The following KIAA1217 variants were observed in gnomAD, a reference collection of about 807,000 sequenced individuals.
The protein encoded by KIAA1217 is KIAA1217, also known as sickle tail protein homolog.
Under a neutral mutation model 163.9 loss-of-function variants are expected in KIAA1217, and 88 were observed. The ratio of observed to expected loss-of-function variants is 0.54; its 90% confidence interval spans 0.45 to 0.64. The LOEUF is 0.64. KIAA1217 is among the 30% of genes least tolerant of loss of function. The pLI is 0.00. For synonymous variants in KIAA1217, 903 were observed against 923.1 expected, an observed-to-expected ratio of 0.98 and a Z score of 0.39; for missense variants, 2,372 against 2,475.0, an observed-to-expected ratio of 0.96 and a Z score of 0.88.
chr10:23,979,464 G>A (rs1469549718), intron 1 of KIAA1217, among the ~76,000 whole-genome samples: 1 of 152,124 alleles, frequency 6.6e-6, no homozygotes, highest in Non-Finnish European at 1.5e-5. Context: ...TCCTCTTCAT[G>A]TCTTTCTTAA....
At chr10:23,905,063 C>CGTTTTTTTTTTTT (rs1842099267) in intron 1 of KIAA1217, among the ~76,000 whole-genome samples, 1 of 99,942 alleles carries the variant, frequency 1.0e-5, no homozygotes, top group Non-Finnish European at 2.0e-5. Flanking sequence ...TTCTCTTTTC[C>CGTTTTTTTTTTTT]TTTTTTTTTT....
At chr10:24,395,244 T>C (rs376437926) in intron 3 of KIAA1217, among the ~76,000 whole-genome samples, 1 of 152,166 alleles carries the variant, frequency 6.6e-6, no homozygotes, top group East Asian at 1.9e-4. Context: ...GATCCCTACT[T>C]GATCTCTGAA....
At chr10:24,077,646 G>A (rs552452148) in intron 2 of KIAA1217, among the ~76,000 whole-genome samples, 6 of 152,310 alleles carry the variant, frequency 3.9e-5, no homozygotes, top group East Asian at 3.9e-4. Context: ...GAACACACCC[G>A]TGTGTGTATC....
chr10:23,879,806 T>C (rs1840870697), intron 1 of KIAA1217, among the ~76,000 whole-genome samples: 1 of 151,806 alleles, frequency 6.6e-6, no homozygotes, highest in African/African-American at 2.4e-5. Context: ...TTGGAAATGA[T>C]CCAATAATAG....
At chr10:23,934,625 A>ATATTTTTTTTTTTTTT (rs1554826424) in intron 1 of KIAA1217, among the ~76,000 whole-genome samples, 1 of 68,570 alleles carries the variant, frequency 1.5e-5, no homozygotes, top group African/African-American at 9.2e-5. Context: ...ATATATATAT[A>ATATTTTTTTTTTTTTT]TTTTTTTTTT....
chr10:24,321,400 G>T (rs549801973), intron 2 of KIAA1217, among the ~76,000 whole-genome samples: 15 of 152,086 alleles, frequency 9.9e-5, no homozygotes, highest in Admixed American at 9.8e-4. Context: ...TTAACTGGGC[G>T]TAGTGGTGCA....
chr10:24,097,165 C>T (rs1326781187), intron 2 of KIAA1217, among the ~76,000 whole-genome samples: 2 of 152,086 alleles, frequency 1.3e-5, no homozygotes, highest in East Asian at 1.9e-4. Context: ...GGAATATAGC[C>T]TGGATTAGAA....
chr10:23,838,391 A>G (rs1838596366), intron 1 of KIAA1217, among the ~76,000 whole-genome samples: 1 of 152,210 alleles, frequency 6.6e-6, no homozygotes, highest in Non-Finnish European at 1.5e-5. Context: ...TTAAATCAAC[A>G]TAAAAGATGA....
chr10:24,375,772 G>A (rs1029334343), intron 2 of KIAA1217, among the ~76,000 whole-genome samples: 4 of 152,206 alleles, frequency 2.6e-5, no homozygotes, highest in African/African-American at 9.6e-5. Context: ...CTTCATCACG[G>A]CAATGTTGAT....
chr10:24,351,007 G>C (rs2048389983), intron 2 of KIAA1217, among the ~76,000 whole-genome samples: 1 of 152,102 alleles, frequency 6.6e-6, no homozygotes, highest in Non-Finnish European at 1.5e-5. Context: ...AGTGCAAGTA[G>C]TGTGATCTCG....
Position 23,794,454 on chromosome 10 carries a change from C to T in KIAA1217, c.-321+99220C>T, listed in dbSNP as rs1252186631. On this transcript the variant is annotated intron_variant, in intron 1 of 18. Transcript: ENST00000376462. Reference sequence around the variant, plus strand: ...CTCAAGTTTTCACTAAAGAATGACACGTTTTTCCCTCAGGCTTTTGGCTTT... The same window carrying T: ...CTCAAGTTTTCACTAAAGAATGACATGTTTTTCCCTCAGGCTTTTGGCTTT... Among the ~76,000 whole-genome samples, 4 of 152,164 alleles carry T rather than the reference C, an allele frequency of 2.6e-5. No homozygotes were observed. In the South Asian group the frequency reaches 6.2e-4, roughly 24 times the overall value.
chr10:24,136,362 T>A (rs1386073122), intron 2 of KIAA1217, among the ~76,000 whole-genome samples: 2 of 152,212 alleles, frequency 1.3e-5, no homozygotes, highest in African/African-American at 4.8e-5. Context: ...TGGAATTTTT[T>A]AAATTCTAGT....
chr10:24,061,934 G>C (rs1371293465), intron 2 of KIAA1217, among the ~76,000 whole-genome samples: 4 of 151,960 alleles, frequency 2.6e-5, no homozygotes, highest in African/African-American at 9.7e-5. Context: ...CCTCACATTT[G>C]AGAATCTTTC....
chr10:23,704,170 G>GTATATA (rs1314137167), intron 1 of KIAA1217, among the ~76,000 whole-genome samples: 145 of 54,072 alleles, frequency 2.7e-3, no homozygotes, highest in Non-Finnish European at 3.2e-3. Context: ...GTGTGTGTGT[G>GTATATA]TGTATATATA....
intron 2 of KIAA1217, among the ~76,000 whole-genome samples, chr10:24,171,723 G>T (rs1413416790): frequency 6.6e-6 from 1 of 152,052 alleles, no homozygotes; most frequent in Non-Finnish European, 1.5e-5. Flanking sequence ...GGAGGCGGAG[G>T]TTGCAGTAAG....
intron 1 of KIAA1217, among the ~76,000 whole-genome samples, chr10:23,897,937 T>A (rs1036343713): frequency 7.9e-5 from 12 of 152,158 alleles, no homozygotes; most frequent in South Asian, 4.1e-4. Context: ...AATTTTTTTT[T>A]AAAAACGCTC....
rs560371791 is a variant in KIAA1217, at chr10:24,103,208, A to G, written c.-171+95834A>G. ...TAGGGTACTGGAACAACTAGACAAC[A>G]CATACAATAAAAAAAGAAAAGAATC... On this transcript the variant is annotated intron_variant, in intron 2 of 18. Transcript: ENST00000376462. Among the ~76,000 whole-genome samples, 4 of 152,326 alleles carry G rather than the reference A, an allele frequency of 2.6e-5. No homozygotes were observed. The South Asian group carries it at 8.3e-4, about 32-fold the overall frequency.
chr10:24,455,648 T>A (rs1049043513), intron 5 of KIAA1217, among the ~76,000 whole-genome samples: 4 of 152,184 alleles, frequency 2.6e-5, no homozygotes, highest in African/African-American at 9.7e-5. Context: ...AGACAAGTAA[T>A]GACACGGGTG....
chr10:24,148,883 T>A (rs1027250077), intron 2 of KIAA1217, among the ~76,000 whole-genome samples: 1 of 152,252 alleles, frequency 6.6e-6, no homozygotes, highest in African/African-American at 2.4e-5. Context: ...TTTCTGTTTC[T>A]ATACAATATT....
Sources: gnomAD v4.1 joint callset for allele counts (sites outside exome capture counted in the v4.1 genomes callset) on GRCh38, gnomAD v4.1.1 for gene constraint, MANE v1.5 for transcripts, NCBI Gene and HGNC (gene_info 2026-07-23, HGNC 2026-07-21) for gene names.